Variants in CASP8 observed in about 807,000 individuals in gnomAD.
CASP8 encodes caspase-8.
Under a neutral mutation model 46.3 loss-of-function variants are expected in CASP8, and 24 were observed. That is an observed-to-expected ratio of 0.52 (90% CI 0.38 to 0.73). The LOEUF (loss-of-function observed/expected upper bound fraction) is 0.73. Among genes scored for constraint, CASP8 ranks in the 30% least tolerant of loss-of-function variants. The pLI is 0.00. For synonymous variants in CASP8, 188 were observed against 200.4 expected (o/e 0.94, Z 0.52); for missense variants, 460 against 559.0 (o/e 0.82, Z 1.79).
At chr2:201,239,493 T>G (rs1576188780) in intron 2 of CASP8, among the ~76,000 whole-genome samples, 1 of 152,136 alleles carries the variant, frequency 6.6e-6, no homozygotes, top group African/African-American at 2.4e-5. Context: ...ATTTCTAGTG[T>G]TTTTTTTGGT....
intron 2 of CASP8, among the ~76,000 whole-genome samples, chr2:201,254,075 C>T (rs1350770027): frequency 1.7e-5 from 2 of 118,198 alleles, no homozygotes; most frequent in African/African-American, 6.5e-5. Context: ...GAGCAAAACT[C>T]CATCTCAAAA....
chr2:201,273,092 T>C, intron 5 of CASP8, 150 bp downstream of exon 5: 3 of 703,230 alleles, frequency 4.3e-6, no homozygotes, highest in Admixed American at 2.6e-5. Flanking sequence ...CAGTTTTACT[T>C]TGTTTCCCAG....
At chr2:201,265,065 G>T (rs926361685) in intron 1 of CASP8, among the ~76,000 whole-genome samples, 1 of 152,052 alleles carries the variant, frequency 6.6e-6, no homozygotes, top group Non-Finnish European at 1.5e-5. Flanking sequence ...ATCAGGAGGG[G>T]GAAAAGATTT....
upstream of CASP8, chr2:201,258,305 C>A (rs34210251): frequency 5.6e-6 from 9 of 1,613,970 alleles, no homozygotes; most frequent in African/African-American, 1.3e-5. Flanking sequence ...TTTCCCACCC[C>A]CTTCCCTGCT....
chr2:201,273,039 C>T (rs1465230111), intron 5 of CASP8, 97 bp downstream of exon 5: 9 of 949,130 alleles, frequency 9.5e-6, no homozygotes, highest in South Asian at 1.4e-5. Flanking sequence ...CACATCTTAA[C>T]GTGCCTGCTC....
At chr2:201,255,172 C>T (rs1361976758) in intron 2 of CASP8, among the ~76,000 whole-genome samples, 2 of 152,172 alleles carry the variant, frequency 1.3e-5, no homozygotes, top group African/African-American at 4.8e-5. Flanking sequence ...CAACCTCCGC[C>T]TCCTGGGCTC....
intron 2 of CASP8, among the ~76,000 whole-genome samples, chr2:201,267,818 C>T (rs1163928717): frequency 2.0e-5 from 3 of 152,200 alleles, no homozygotes; most frequent in African/African-American, 7.2e-5. Flanking sequence ...GGAAAGGGTT[C>T]ACAACCAGGG....
rs774977321 is a variant in CASP8, at chr2:201,284,940, C to T, written c.927C>T (p.Cys309=). The change falls in exon 8 of 9, where the codon TGC becomes TGT. Residue 309 remains cysteine, a synonymous_variant. Coordinates refer to ENST00000673742, the MANE Select transcript of CASP8 (RefSeq NM_001372051.1). ...TCATGGACCACAGTAACATGGACTGCTTCATCTGCTGTATCCTCTCCCATG... is the reference window on the plus strand; with the variant it reads ...TCATGGACCACAGTAACATGGACTGTTTCATCTGCTGTATCCTCTCCCATG... The part of the protein sequence containing the change: ...YQLMDHSNMD[C]FICCILSHGD... The T allele has an allele frequency of 3.1e-6, 5 of 1,614,016 alleles. No homozygotes were observed. The highest frequency in any genetic ancestry group is 4.2e-6 in the Non-Finnish European group (5 of 1,180,034).
At chr2:201,249,053 A>T (rs1344452976) in intron 2 of CASP8, among the ~76,000 whole-genome samples, 1 of 152,070 alleles carries the variant, frequency 6.6e-6, no homozygotes, top group Non-Finnish European at 1.5e-5. Flanking sequence ...CACCATGCCC[A>T]GCCAATTTTT....
At chr2:201,276,708 A>T in intron 6 of CASP8, 119 bp from the exon 7 acceptor site, 5 of 1,300,710 alleles carry the variant, frequency 3.8e-6, no homozygotes, top group Non-Finnish European at 5.5e-6. Context: ...CTTCGAGGAA[A>T]CGACCCCGAG....
intron 7 of CASP8, among the ~76,000 whole-genome samples, chr2:201,279,126 G>A (rs1174840571): frequency 4.6e-5 from 7 of 152,204 alleles, no homozygotes; most frequent in Admixed American, 4.6e-4. Context: ...AGTACAAAGT[G>A]TAGGTGAGGC....
intron 7 of CASP8, among the ~76,000 whole-genome samples, chr2:201,278,750 T>C (rs1948811455): frequency 6.6e-6 from 1 of 152,182 alleles, no homozygotes; most frequent in South Asian, 2.1e-4. Flanking sequence ...CAGGCTGTTC[T>C]TGAACTCCTG....
intron 7 of CASP8, 46 bp downstream of exon 7, chr2:201,277,014 A>G (rs1559363506): frequency 1.5e-6 from 2 of 1,375,186 alleles, no homozygotes; most frequent in African/African-American, 2.9e-5. Flanking sequence ...TCTTATGCCT[A>G]TTTTTTTTTA....
upstream of CASP8, among the ~76,000 whole-genome samples, chr2:201,257,620 A>T (rs1947087605): frequency 6.6e-6 from 1 of 152,230 alleles, no homozygotes; most frequent in Non-Finnish European, 1.5e-5. Context: ...ATGGCCAAGG[A>T]TGGGAACTCA....
chr2:201,284,792 G>C, intron 7 of CASP8, 24 bp from the exon 8 acceptor site: 1 of 1,598,618 alleles, frequency 6.3e-7, no homozygotes, highest in South Asian at 1.1e-5. Flanking sequence ...GGTATAACGT[G>C]ACTGTTCAAA....
intron 1 of CASP8, among the ~76,000 whole-genome samples, chr2:201,261,143 AG>A (rs1947360674): frequency 1.3e-5 from 2 of 152,232 alleles, no homozygotes; most frequent in Non-Finnish European, 2.9e-5. Flanking sequence ...CTGTCATCCC[AG>A]CACTTTGGGA....
chr2:201,266,877 C>A lies in CASP8; in HGVS notation c.305+86C>A. On this transcript the variant is annotated intron_variant, in intron 2 of 8. Coordinates refer to ENST00000673742, the MANE Select transcript of CASP8 (RefSeq NM_001372051.1). The surrounding 1 kb of genome is among the most constrained non-coding windows in gnomAD (Gnocchi z 5.7). ...TGATTGGGGCTTTTTTTTGTGGTAC[C>A]CTGCCTAGTGCCTGGGAACCCAGCA... 1 of 952,942 alleles carries A rather than the reference C, an allele frequency of 1.0e-6. No homozygotes were observed. Among genetic ancestry groups the A allele is most frequent in the Non-Finnish European group, 1.6e-6 (1 of 638,748 alleles). The allele number at this position is 952,942 out of a possible 1,614,324, so 59.0% of individuals were successfully genotyped here. A position where few individuals can be genotyped will look rare whatever the true frequency, so the allele number is the denominator to read the frequency against.
At chr2:201,237,083 C>CTTTTTTTTTTTT (rs1296037627) in intron 2 of CASP8, among the ~76,000 whole-genome samples, 1 of 121,350 alleles carries the variant, frequency 8.2e-6, no homozygotes, top group African/African-American at 3.5e-5. Flanking sequence ...TGACCCCTTT[C>CTTTTTTTTTTTT]TATTTTTTTT....
At chr2:201,247,046 C>A (rs1449265124) in intron 2 of CASP8, among the ~76,000 whole-genome samples, 3 of 151,792 alleles carry the variant, frequency 2.0e-5, no homozygotes, top group Non-Finnish European at 4.4e-5. Flanking sequence ...AATACAAAAA[C>A]TAGCTGGGTG....
Sources: allele counts gnomAD v4.1 joint callset (sites outside exome capture counted in the v4.1 genomes callset), GRCh38; gene constraint gnomAD v4.1.1; non-coding constraint Gnocchi (gnomAD v3.1); transcripts MANE v1.5; gene names NCBI Gene and HGNC (gene_info 2026-07-23, HGNC 2026-07-21).